Variants in FOCAD observed in about 807,000 individuals in gnomAD.
The protein encoded by FOCAD is focadhesin.
FOCAD carries 198 observed loss-of-function variants against 225.6 expected under a neutral mutation model. The ratio of observed to expected loss-of-function variants is 0.88; its 90% CI spans 0.78 to 0.99. The LOEUF (loss-of-function observed/expected upper bound fraction) is 0.99, where lower values mean the gene tolerates loss of function less well. Ranked by LOEUF, FOCAD falls within the 50% of genes least tolerant of loss-of-function variation. FOCAD has a pLI of 0.00. For missense variants in FOCAD, 2,713 were observed against 2,123.6 expected, an observed-to-expected ratio of 1.28 and a Z score of -5.46; for synonymous variants, 897 against 755.0, an observed-to-expected ratio of 1.19 and a Z score of -3.08.
intron 35 of FOCAD, among the ~76,000 whole-genome samples, chr9:20,964,070 C>G (rs1007585640): frequency 2.0e-5 from 3 of 151,758 alleles, no homozygotes; most frequent in Non-Finnish European, 4.4e-5. Flanking sequence ...TTTTTCCTTA[C>G]AATAGCAGGG....
At chr9:20,966,087 T>C (rs933165589) in intron 35 of FOCAD, among the ~76,000 whole-genome samples, 1 of 152,152 alleles carries the variant, frequency 6.6e-6, no homozygotes, top group Non-Finnish European at 1.5e-5. Flanking sequence ...GTAATTCTGC[T>C]TAACTTTTTG....
intron 21 of FOCAD, among the ~76,000 whole-genome samples, chr9:20,893,895 T>C (rs1308066692): frequency 2.0e-5 from 3 of 152,132 alleles, no homozygotes; most frequent in Non-Finnish European, 4.4e-5. Context: ...GTCTATAGTT[T>C]ATATTAGGGT....
At chr9:20,909,394 C>T (rs1833250698) in intron 22 of FOCAD, among the ~76,000 whole-genome samples, 1 of 151,996 alleles carries the variant, frequency 6.6e-6, no homozygotes, top group Non-Finnish European at 1.5e-5. Flanking sequence ...TAGCGTTTTC[C>T]ACTGTGACAT....
intron 15 of FOCAD, among the ~76,000 whole-genome samples, chr9:20,856,360 C>T (rs1828183798): frequency 6.6e-6 from 1 of 151,844 alleles, no homozygotes; most frequent in South Asian, 2.1e-4. Context: ...GAGCATTTTT[C>T]ATGTACCTGC....
In FOCAD at chr9:20,785,406, T is replaced by G. The variant is rs555491850; in HGVS notation, c.1197+3477T>G. ...AGTCATCACTCCCTAATTCCCCCCT[T>G]TTTTCCTCACCCCTCAGGCTAGGCA... On this transcript the variant is annotated intron_variant, in intron 10 of 43. Coordinates refer to ENST00000338382, the MANE Select transcript of FOCAD (RefSeq NM_001375567.1). Among the ~76,000 whole-genome samples, 4 of 152,232 alleles carry G rather than the reference T, an allele frequency of 2.6e-5. No individual in the cohort carries two copies. In the South Asian group the frequency reaches 8.3e-4, roughly 32 times the overall value.
intron 4 of FOCAD, among the ~76,000 whole-genome samples, chr9:20,722,369 G>A (rs1247596674): frequency 6.6e-6 from 1 of 152,148 alleles, no homozygotes; most frequent in East Asian, 1.9e-4. Context: ...TTCCACACCA[G>A]CATGGCATGC....
rs374415200 is a variant in FOCAD at position 20,986,460 on chromosome 9, A to G, written c.4901A>G (p.Asn1634Ser). ...LYQARIVSHA[N>S]TGVLKRMEWL... ...CAGGCACGGATTGTGAGCCATGCCA[A>G]TACGGGTGAGGACACCCTGGGGTGA... Residue 1634 changes from asparagine to serine, a missense_variant, in exon 40 of 44, where the codon AAT (asparagine) becomes AGT (serine). By Grantham distance (46) the Asn-to-Ser change is conservative. Transcript: ENST00000338382. 1.4e-5 allele frequency: 22 copies of G among 1,608,094 alleles called. No homozygotes were observed. Among genetic ancestry groups the G allele is most frequent in the Middle Eastern group, 1.7e-4 (1 of 6,002 alleles).
intron 15 of FOCAD, among the ~76,000 whole-genome samples, chr9:20,856,893 A>C (rs1828238649): frequency 6.6e-6 from 1 of 151,934 alleles, no homozygotes; most frequent in Non-Finnish European, 1.5e-5. Context: ...AAATGAGTTC[A>C]CTGCAGATAT....
At chr9:20,860,117 T>G (rs1398405227) in intron 15 of FOCAD, among the ~76,000 whole-genome samples, 6 of 152,138 alleles carry the variant, frequency 3.9e-5, no homozygotes, top group Non-Finnish European at 8.8e-5. Flanking sequence ...TATTTCGTGT[T>G]TTTTCACCCT....
chr9:20,786,175 G>A (rs1013152882), intron 10 of FOCAD, among the ~76,000 whole-genome samples: 11 of 151,920 alleles, frequency 7.2e-5, no homozygotes, highest in Non-Finnish European at 1.0e-4. Context: ...TTGTTTTTTT[G>A]GCACAATATT....
intron 11 of FOCAD, among the ~76,000 whole-genome samples, chr9:20,800,054 A>G (rs1821620440): frequency 6.6e-6 from 1 of 152,002 alleles, no homozygotes; most frequent in African/African-American, 2.4e-5. Flanking sequence ...TGGTGACAAA[A>G]TCTCTCAGCA....
At chr9:20,993,825 T>C (rs1050994882) in intron 43 of FOCAD, among the ~76,000 whole-genome samples, 1 of 152,218 alleles carries the variant, frequency 6.6e-6, no homozygotes, top group Non-Finnish European at 1.5e-5. Flanking sequence ...AGAATGCCAG[T>C]CCCTTTAAAT....
intron 15 of FOCAD, among the ~76,000 whole-genome samples, chr9:20,838,566 C>T (rs949983876): frequency 1.3e-5 from 2 of 152,142 alleles, no homozygotes; most frequent in African/African-American, 2.4e-5. Flanking sequence ...ATTTATGCTA[C>T]ACTTGTAACC....
intron 4 of FOCAD, 32 bp downstream of exon 4, chr9:20,720,566 G>T: frequency 1.3e-6 from 2 of 1,597,806 alleles, no homozygotes; most frequent in African/African-American, 1.3e-5. Context: ...GTCAGTTAAT[G>T]ATTTAAGTTT....
chr9:20,874,719 C>T lies in FOCAD; in HGVS notation c.2229C>T (p.Asp743=), dbSNP rs1460214427. The T allele has an allele frequency of 1.1e-5, 17 of 1,613,254 alleles. No homozygotes were observed. Among genetic ancestry groups the T allele is most frequent in the Middle Eastern group, 1.6e-4 (1 of 6,074 alleles). The change falls in exon 19 of 44, where the codon GAC becomes GAT. Residue 743 remains aspartate (D), a synonymous_variant. Coordinates refer to ENST00000338382, the MANE Select transcript of FOCAD (RefSeq NM_001375567.1). ...TTCCCATTCCTGAAGAGTTAGATGA[C>T]GATGAAGATGTTGAGGATGTGGATC... ...PEIPIPEELD[D]DEDVEDVDLS... is the part of the protein sequence containing the mutation.
intron 26 of FOCAD, among the ~76,000 whole-genome samples, chr9:20,926,839 T>TTC (rs1374006191): frequency 6.6e-6 from 1 of 150,954 alleles, no homozygotes; most frequent in African/African-American, 2.4e-5. Context: ...AGTGTAATGA[T>TTC]TCTCAGCCCT....
chr9:20,968,658 C>T (rs966259670), intron 35 of FOCAD, among the ~76,000 whole-genome samples: 3 of 151,724 alleles, frequency 2.0e-5, no homozygotes, highest in Non-Finnish European at 4.4e-5. Flanking sequence ...TCTAGGCTGT[C>T]GAACTCCTGA....
At chr9:20,716,822 C>G (rs1002430766) in intron 2 of FOCAD, among the ~76,000 whole-genome samples, 2 of 152,158 alleles carry the variant, frequency 1.3e-5, no homozygotes, top group African/African-American at 4.8e-5. Context: ...TGAACTTGGG[C>G]ATGATTTTCT....
chr9:20,792,915 A>C (rs1820682250), intron 11 of FOCAD, among the ~76,000 whole-genome samples: 1 of 152,234 alleles, frequency 6.6e-6, no homozygotes, highest in Non-Finnish European at 1.5e-5. Flanking sequence ...TTAACATGGA[A>C]AATGAATAGG....
Sources: allele counts gnomAD v4.1 joint callset (sites outside exome capture counted in the v4.1 genomes callset), GRCh38; gene constraint gnomAD v4.1.1; transcripts MANE v1.5; gene names NCBI Gene and HGNC (gene_info 2026-07-23, HGNC 2026-07-21).